Variants in CACNA1S observed in about 807,000 individuals in gnomAD.
CACNA1S encodes calcium voltage-gated channel subunit alpha1 S.
A neutral mutation model predicts 207.4 loss-of-function variants in CACNA1S; 126 were observed. The ratio of observed to expected loss-of-function variants is 0.61; its 90% CI spans 0.53 to 0.70. The LOEUF is 0.70. Ranked by LOEUF, CACNA1S falls within the 30% of genes least tolerant of loss-of-function variation. The pLI is 0.00. For missense variants in CACNA1S, 2,349 were observed against 2,422.8 expected, an observed-to-expected ratio of 0.97 and a Z score of 0.64; for synonymous variants, 960 against 932.7, an observed-to-expected ratio of 1.03 and a Z score of -0.53.
At chr1:201,062,399 C>T (rs1332147283) in intron 23 of CACNA1S, 63 bp downstream of exon 23, 5 of 1,512,764 alleles carry the variant, frequency 3.3e-6, no homozygotes, top group East Asian at 2.2e-5. Flanking sequence ...CTCCCTGCCC[C>T]GTGACTGTCC....
At chr1:201,069,008 TC>T in intron 19 of CACNA1S, 128 bp downstream of exon 19, 1 of 823,386 alleles carries the variant, frequency 1.2e-6, no homozygotes, top group Non-Finnish European at 2.1e-6. Context: ...GTGTGCTGGG[TC>T]CCATGAGTCT....
At chr1:201,055,632 T>C (rs1322688317) in intron 28 of CACNA1S, among the ~76,000 whole-genome samples, 1 of 152,242 alleles carries the variant, frequency 6.6e-6, no homozygotes. Flanking sequence ...AGTAGACATG[T>C]GTGGCTAGTG....
At position 201,041,606 on chromosome 1, in the gene CACNA1S, G is replaced by T. The variant is rs750638681; in HGVS notation, c.5049-17C>A. 2.5e-6 allele frequency: 4 copies of T among 1,589,502 alleles called. No homozygotes were observed. The highest frequency in any genetic ancestry group is 2.7e-5 in the African/African-American group (2 of 74,422). On this transcript the variant is annotated splice_polypyrimidine_tract_variant and intron_variant, in intron 40 of 43. Coordinates refer to ENST00000362061, the MANE Select transcript of CACNA1S (RefSeq NM_000069.3). ...TAGTGGACACTGAAATGGAAGCAAG[G>T]CTGGGTGAACCAGAGAAGGCTGCTA...
intron 28 of CACNA1S, among the ~76,000 whole-genome samples, chr1:201,057,166 G>A (rs558503892): frequency 9.8e-5 from 15 of 152,288 alleles, no homozygotes; most frequent in African/African-American, 3.4e-4. Flanking sequence ...GGCCTTCAAG[G>A]GCCTAGATGA....
intron 31 of CACNA1S, among the ~76,000 whole-genome samples, chr1:201,052,998 C>A (rs1297696944): frequency 6.6e-6 from 1 of 151,940 alleles, no homozygotes. Flanking sequence ...TGCTGTCCAC[C>A]CACATGCCCA....
In CACNA1S at chr1:201,039,734, G is replaced by A; in HGVS notation, c.*97C>T. On this transcript the variant is annotated 3_prime_UTR_variant, in exon 44 of 44. Coordinates refer to ENST00000362061, the MANE Select transcript of CACNA1S (RefSeq NM_000069.3). ...ATGCATCTAGCTGCTGAGAGGGAGG[G>A]AGGCTGCTGCGGTGGGCTAGCCCTT... 6.5e-7 allele frequency: 1 copy of A among 1,531,384 alleles called. No homozygotes were observed. The allele number at this position is 1,531,384 out of a possible 1,614,324, so 94.9% of individuals were successfully genotyped here.
chr1:201,106,385 C>A (rs975668187), intron 2 of CACNA1S, among the ~76,000 whole-genome samples: 1 of 151,918 alleles, frequency 6.6e-6, no homozygotes, highest in African/African-American at 2.4e-5. Flanking sequence ...TCTAAATCCC[C>A]CCCTGACCTC....
At chr1:201,059,073 C>T in intron 27 of CACNA1S, 116 bp downstream of exon 27, 1 of 685,336 alleles carries the variant, frequency 1.5e-6, no homozygotes, top group East Asian at 2.7e-5. Flanking sequence ...AAGTTGGGAG[C>T]AGAAGTGCTG....
At chr1:201,065,778 G>C (rs887693222) in intron 22 of CACNA1S, 60 bp downstream of exon 22, 1 of 1,114,266 alleles carries the variant, frequency 9.0e-7, no homozygotes, top group Non-Finnish European at 1.4e-6. Flanking sequence ...CCTTGTGCTT[G>C]AGAGTGGGCA....
At chr1:201,103,238 T>C (rs113416764) in intron 2 of CACNA1S, among the ~76,000 whole-genome samples, 6,561 of 137,708 alleles carry the variant, frequency 0.048, 218 homozygotes, top group African/African-American at 0.081. Flanking sequence ...AGAGGAGACT[T>C]GGTCTCAAAA....
intron 27 of CACNA1S, 76 bp downstream of exon 27, chr1:201,059,113 G>A (rs1035855695): frequency 3.3e-6 from 3 of 903,604 alleles, no homozygotes; most frequent in Non-Finnish European, 5.5e-6. Flanking sequence ...GATGAGGGAT[G>A]GGGGTGGATG....
chr1:201,068,244 T>C (rs1203558140), intron 19 of CACNA1S, among the ~76,000 whole-genome samples: 1 of 124,834 alleles, frequency 8.0e-6, no homozygotes, highest in Non-Finnish European at 1.7e-5. Context: ...TTTTTTTTTT[T>C]TTTTTTTTTT....
At position 201,091,974 on chromosome 1, in the gene CACNA1S, G is replaced by A. The variant is rs751358640; in HGVS notation, c.539C>T (p.Pro180Leu). The A allele has an allele frequency of 1.9e-6, 3 of 1,614,134 alleles. No individual in the cohort carries two copies. The highest frequency in any genetic ancestry group is 2.5e-6 in the Non-Finnish European group (3 of 1,179,992). ...LRPLRLVSGV[P>L]SLQVVLNSIF... is the part of the protein sequence containing the mutation. ...TCTGCAGGGACACTGCCACCCACTA[G>A]GCACCCCCGACACCAGCCGGAGGGG... The change falls in exon 4 of 44, where the codon CCT becomes CTT. Residue 180 changes from proline (P) to leucine (L), a missense_variant and splice_region_variant. Pro to Leu is a moderately conservative substitution (Grantham distance 98, BLOSUM62 -3). Coordinates refer to ENST00000362061, the MANE Select transcript of CACNA1S (RefSeq NM_000069.3).
chr1:201,066,448 T>G lies in CACNA1S; in HGVS notation c.2658-132A>C. 1.3e-6 allele frequency: 1 copy of G among 765,222 alleles called. No individual in the cohort carries two copies. The highest frequency in any genetic ancestry group is 2.3e-6 in the Non-Finnish European group (1 of 442,466). 47.4% of individuals were successfully genotyped at this position (765,222 alleles called of 1,614,324 possible). ...GCCTGAAAACACTCCCACCTTCCCC[T>G]TCCCTTTCCTCCAGCCGTGAGAGTG... On this transcript the variant is annotated intron_variant, in intron 20 of 43. Transcript: ENST00000362061. The surrounding 1 kb of genome is among the most constrained non-coding windows in gnomAD (Gnocchi z 4.3).
Position 201,040,302 on chromosome 1 carries a change from G to A in CACNA1S, c.5299C>T (p.Pro1767Ser), listed in dbSNP as rs200434921. Residue 1767 changes from proline to serine, a missense_variant, in exon 43 of 44, where the codon CCC becomes TCC. Coordinates refer to ENST00000362061, the MANE Select transcript of CACNA1S (RefSeq NM_000069.3). ...STPGSLHEETPHSRSTRENTS... is the reference protein window; with the variant it reads ...STPGSLHEETSHSRSTRENTS... ...TTCTCCCTGGTGCTCCTGCTGTGGG[G>A]TGTCTCCTCATGAAGAGACCCTGGT... 38 of 1,613,846 alleles carry A rather than the reference G, an allele frequency of 2.4e-5. No individual in the cohort carries two copies. The Middle Eastern group carries it at 6.6e-4, about 28-fold the overall frequency.
At chr1:201,055,338 G>C (rs1660801183) in intron 28 of CACNA1S, among the ~76,000 whole-genome samples, 1 of 152,180 alleles carries the variant, frequency 6.6e-6, no homozygotes, top group Admixed American at 6.5e-5. Context: ...CTCCACCCTG[G>C]CTGTATGTCA....
intron 10 of CACNA1S, among the ~76,000 whole-genome samples, chr1:201,080,325 T>G (rs1369308664): frequency 6.6e-6 from 1 of 151,992 alleles, no homozygotes; most frequent in African/African-American, 2.4e-5. Context: ...ATTTTCTCAG[T>G]AGGTGGCACT....
rs79649129 is a variant in CACNA1S, at chr1:201,058,688, T to C, written c.3526-197A>G. 8.8e-3 allele frequency among the ~76,000 whole-genome samples: 1,344 copies of C among 152,254 alleles called. 25 individuals carry two copies. The highest frequency in any genetic ancestry group is 0.03 in the African/African-American group (1,249 of 41,554). On this transcript the variant is annotated intron_variant, in intron 27 of 43. Coordinates refer to ENST00000362061, the MANE Select transcript of CACNA1S (RefSeq NM_000069.3). The stretch of plus-strand genomic sequence containing the variant: ...CAACACTCCTCTCCCCTTTGCTCTT[T>C]AGTTCCCTTCCTCCAGAGCAGAAAG...
chr1:201,088,236 T>C (rs971826547), intron 6 of CACNA1S, among the ~76,000 whole-genome samples: 3 of 152,168 alleles, frequency 2.0e-5, no homozygotes, highest in Non-Finnish European at 4.4e-5. Context: ...ATCTCCCTCA[T>C]AGACTCTATC....
Sources: gnomAD v4.1 joint callset for allele counts (sites outside exome capture counted in the v4.1 genomes callset) on GRCh38, gnomAD v4.1.1 for gene constraint, Gnocchi (gnomAD v3.1) non-coding constraint, MANE v1.5 for transcripts, NCBI Gene and HGNC (gene_info 2026-07-23, HGNC 2026-07-21) for gene names.